The following SLC13A1 variants were observed in gnomAD, a reference collection of about 807,000 sequenced individuals.
SLC13A1 encodes Na(+)/sulfate cotransporter.
SLC13A1 carries 65 observed loss-of-function variants against 70.0 expected under a neutral mutation model. That is an observed-to-expected ratio of 0.93 (90% CI 0.76 to 1.14). SLC13A1 has a LOEUF of 1.14. SLC13A1 is among the 50% of genes most tolerant of loss of function. The probability of loss-of-function intolerance (pLI) is 0.00; values close to 1 mark genes in which losing one functional copy is unlikely to be tolerated. For synonymous variants in SLC13A1, 275 were observed against 250.5 expected, an observed-to-expected ratio of 1.10 and a Z score of -0.92; for missense variants, 726 against 717.8, an observed-to-expected ratio of 1.01 and a Z score of -0.13.
chr7:123,137,514 G>A (rs980498505), intron 7 of SLC13A1, among the ~76,000 whole-genome samples: 1 of 152,128 alleles, frequency 6.6e-6, no homozygotes, highest in African/African-American at 2.4e-5. Flanking sequence ...CAGAGGAAGG[G>A]GCCCTGTAGC....
chr7:123,194,098 T>A (rs936461408), intron 1 of SLC13A1, among the ~76,000 whole-genome samples: 14 of 152,060 alleles, frequency 9.2e-5, no homozygotes, highest in African/African-American at 2.7e-4. Flanking sequence ...AACACTATGC[T>A]CCATGTTCTT....
At chr7:123,118,120 G>C (rs1342918141) in intron 13 of SLC13A1, among the ~76,000 whole-genome samples, 1 of 152,128 alleles carries the variant, frequency 6.6e-6, no homozygotes, top group Non-Finnish European at 1.5e-5. Flanking sequence ...GTGAGCAACA[G>C]AGCTCAGGTA....
At chr7:123,149,561 C>A (rs1396783509) in intron 6 of SLC13A1, 3 of 456,412 alleles carry the variant, frequency 6.6e-6, no homozygotes, top group African/African-American at 6.0e-5. Flanking sequence ...TCAGCCTTCT[C>A]ATTTTAAACA....
intron 7 of SLC13A1, among the ~76,000 whole-genome samples, chr7:123,143,791 A>C (rs1563328867): frequency 6.6e-6 from 1 of 152,174 alleles, no homozygotes. Flanking sequence ...GGAGCCCTGT[A>C]TTCCACCATC....
intron 13 of SLC13A1, 26 bp downstream of exon 13, chr7:123,119,055 A>G (rs1310720667): frequency 6.3e-7 from 1 of 1,598,814 alleles, no homozygotes. Flanking sequence ...AATGAAGAGT[A>G]AAAAGGGGAT....
At chr7:123,134,672 G>A (rs1793891087) in intron 7 of SLC13A1, 143 bp from the exon 8 acceptor site, 2 of 643,530 alleles carry the variant, frequency 3.1e-6, no homozygotes. Context: ...ATTAAATAGA[G>A]TACTTTTACC....
chr7:123,169,717 A>G (rs957627279), intron 3 of SLC13A1, among the ~76,000 whole-genome samples: 3 of 152,168 alleles, frequency 2.0e-5, no homozygotes, highest in Non-Finnish European at 2.9e-5. Flanking sequence ...TTAAGACGAA[A>G]CTGCAATCAA....
intron 6 of SLC13A1, among the ~76,000 whole-genome samples, chr7:123,163,240 A>C (rs2116509603): frequency 6.6e-6 from 1 of 152,216 alleles, no homozygotes; most frequent in Non-Finnish European, 1.5e-5. Flanking sequence ...GTGTAATTTT[A>C]GGATATTCCT....
At chr7:123,135,971 A>G (rs1053836964) in intron 7 of SLC13A1, among the ~76,000 whole-genome samples, 1 of 152,214 alleles carries the variant, frequency 6.6e-6, no homozygotes, top group African/African-American at 2.4e-5. Flanking sequence ...TCATTTTTGA[A>G]AAATGTTTGT....
chr7:123,185,609 T>C (rs1255475992), intron 1 of SLC13A1, among the ~76,000 whole-genome samples: 3 of 152,126 alleles, frequency 2.0e-5, no homozygotes, highest in African/African-American at 7.2e-5. Flanking sequence ...GAGAATTATT[T>C]CTGGCTTCTC....
At chr7:123,177,900 A>G (rs1320517259) in intron 2 of SLC13A1, among the ~76,000 whole-genome samples, 1 of 152,100 alleles carries the variant, frequency 6.6e-6, no homozygotes, top group Non-Finnish European at 1.5e-5. Context: ...AAAGACAGGA[A>G]ATATTTTGCC....
chr7:123,195,242 T>C (rs573190172), intron 1 of SLC13A1, among the ~76,000 whole-genome samples: 1 of 152,106 alleles, frequency 6.6e-6, no homozygotes, highest in Non-Finnish European at 1.5e-5. Context: ...TTCCTTGTTC[T>C]TCATCATTTC....
chr7:123,121,523 T>A (rs1793381706), intron 12 of SLC13A1, among the ~76,000 whole-genome samples: 1 of 152,152 alleles, frequency 6.6e-6, no homozygotes, highest in African/African-American at 2.4e-5. Context: ...TGGATTGACA[T>A]GTTTTTGTTG....
chr7:123,157,008 G>C (rs1298732117), intron 6 of SLC13A1, among the ~76,000 whole-genome samples: 1 of 152,014 alleles, frequency 6.6e-6, no homozygotes, highest in Non-Finnish European at 1.5e-5. Context: ...AAGCTCGCTG[G>C]TGCTGTGAGA....
intron 2 of SLC13A1, among the ~76,000 whole-genome samples, chr7:123,178,531 T>A (rs1296934031): frequency 6.6e-6 from 1 of 152,164 alleles, no homozygotes; most frequent in Non-Finnish European, 1.5e-5. Flanking sequence ...AACAATGGGT[T>A]GTGTAGCATT....
Position 123,128,944 on chromosome 7 carries a change from T to C in SLC13A1, c.1034A>G (p.Tyr345Cys). ...QEYQKLGPIRYQEIVTLVLFI... is the reference protein window; with the variant it reads ...QEYQKLGPIRCQEIVTLVLFI... ...GAGGACCAAGGTCACAATTTCTTGA[T>C]ACCTGTGGAAAAATTCCAATGGCAT... The change falls in exon 10 of 15, where the codon TAT becomes TGT. Residue 345 changes from tyrosine (Y) to cysteine (C), a missense_variant and splice_region_variant. By Grantham distance (194) the Tyr-to-Cys change is radical. Coordinates refer to ENST00000194130, the MANE Select transcript of SLC13A1 (RefSeq NM_022444.4). 1 of 1,607,606 alleles carries C rather than the reference T, an allele frequency of 6.2e-7. No individual in the cohort carries two copies. Among genetic ancestry groups the C allele is most frequent in the South Asian group, 1.1e-5 (1 of 90,894 alleles).
At chr7:123,166,515 G>A (rs1326135638) in intron 6 of SLC13A1, among the ~76,000 whole-genome samples, 3 of 151,934 alleles carry the variant, frequency 2.0e-5, no homozygotes, top group East Asian at 1.9e-4. Flanking sequence ...TTTAACATTA[G>A]GTATATCTCC....
At chr7:123,118,321 T>C (rs1170422101) in intron 13 of SLC13A1, among the ~76,000 whole-genome samples, 1 of 152,118 alleles carries the variant, frequency 6.6e-6, no homozygotes, top group East Asian at 1.9e-4. Context: ...CAACACAAAA[T>C]GATATTGTAC....
chr7:123,194,355 A>G (rs1446764423), intron 1 of SLC13A1, among the ~76,000 whole-genome samples: 1 of 152,110 alleles, frequency 6.6e-6, no homozygotes, highest in Non-Finnish European at 1.5e-5. Flanking sequence ...GCAAATAGTG[A>G]AGTATTGTTA....
Sources: gnomAD v4.1 joint callset for allele counts (sites outside exome capture counted in the v4.1 genomes callset) on GRCh38, gnomAD v4.1.1 for gene constraint, MANE v1.5 for transcripts, NCBI Gene and HGNC (gene_info 2026-07-23, HGNC 2026-07-21) for gene names.